USP40: variants seen among roughly 807,000 people sequenced by gnomAD.
USP40 encodes ubiquitin carboxyl-terminal hydrolase 40.
USP40 carries 143 observed loss-of-function variants against 166.2 expected under a neutral mutation model. That is an observed-to-expected ratio of 0.86 (90% CI 0.75 to 0.99). USP40 has a LOEUF of 0.99. USP40 is among the 50% of genes least tolerant of loss of function. The pLI, the probability that USP40 is intolerant of heterozygous loss-of-function variation, is 0.00. For missense variants in USP40, 1,444 were observed against 1,479.7 expected, an observed-to-expected ratio of 0.98 and a Z score of 0.40; for synonymous variants, 498 against 524.0, an observed-to-expected ratio of 0.95 and a Z score of 0.68.
At chr2:233,496,939 A>G (rs2065782684) in intron 23 of USP40, 107 bp from the exon 24 acceptor site, 5 of 741,264 alleles carry the variant, frequency 6.7e-6, no homozygotes, top group Non-Finnish European at 1.1e-5. Flanking sequence ...AATTAAATGA[A>G]TAATAAAGCA....
chr2:233,489,793 C>A, intron 26 of USP40: 1 of 249,856 alleles, frequency 4.0e-6, no homozygotes, highest in Non-Finnish European at 7.7e-6. Context: ...AATTAACTTC[C>A]ATGGGAGTAG....
At chr2:233,565,681 T>C in intron 1 of USP40, 108 bp from the exon 2 acceptor site, 2 of 973,144 alleles carry the variant, frequency 2.1e-6, no homozygotes, top group Non-Finnish European at 3.0e-6. Context: ...AACACAGGAC[T>C]ACTGTTTCTA....
At chr2:233,548,150 A>C (rs1199291180) in intron 8 of USP40, among the ~76,000 whole-genome samples, 1 of 152,124 alleles carries the variant, frequency 6.6e-6, no homozygotes, top group Non-Finnish European at 1.5e-5. Flanking sequence ...GAAATAGGTA[A>C]TTTTTTCAAG....
chr2:233,550,214 A>C (rs970570631), intron 7 of USP40, among the ~76,000 whole-genome samples: 3 of 152,132 alleles, frequency 2.0e-5, no homozygotes, highest in Admixed American at 2.0e-4. Flanking sequence ...TGTCTAGTAC[A>C]GGCAAAAGAC....
intron 5 of USP40, chr2:233,556,488 T>C (rs143800223): frequency 0.013 from 1,949 of 154,590 alleles, 37 homozygotes; most frequent in East Asian, 0.083. Flanking sequence ...AAACACTCCT[T>C]GGTCCTCAGT....
chr2:233,493,422 C>T lies in USP40; in HGVS notation c.2917+3G>A, dbSNP rs957788831. 3.1e-6 allele frequency: 5 copies of T among 1,613,838 alleles called. No homozygotes were observed. The highest frequency in any genetic ancestry group is 4.2e-6 in the Non-Finnish European group (5 of 1,179,886). On this transcript the variant is annotated splice_donor_region_variant and intron_variant, in intron 25 of 31. Transcript: ENST00000678225. The surrounding 1 kb of genome is among the most constrained non-coding windows in gnomAD (Gnocchi z 4.7). ...GGCTGCTGAAATCCCATTCTGTTCT[C>T]ACCTTGGCTGGAAGTGGCTCTCCAA...
intron 11 of USP40, among the ~76,000 whole-genome samples, chr2:233,532,349 A>G (rs1189304119): frequency 6.6e-6 from 1 of 152,188 alleles, no homozygotes; most frequent in African/African-American, 2.4e-5. Flanking sequence ...ATGTTTGCAC[A>G]TGATAGTGAC....
At chr2:233,565,706 GT>G in intron 1 of USP40, 133 bp from the exon 2 acceptor site, 3 of 769,372 alleles carry the variant, frequency 3.9e-6, no homozygotes, top group Non-Finnish European at 6.0e-6. Context: ...CAGTAGTTGG[GT>G]TTTGGAGGCA....
chr2:233,493,151 G>C lies in USP40; in HGVS notation c.2917+274C>G, dbSNP rs1406631182. On this transcript the variant is annotated intron_variant, in intron 25 of 31. Transcript: ENST00000678225. The surrounding 1 kb of genome is among the most constrained non-coding windows in gnomAD (Gnocchi z 4.7). The stretch of plus-strand genomic sequence containing the variant: ...GCCCCTGTTGCCCTGAGGATCTTGA[G>C]AGATGATACATAAAAGTCTTTGGAA... 8.1e-6 allele frequency: 4 copies of C among 494,418 alleles called. No homozygotes were observed. Among genetic ancestry groups the C allele is most frequent in the Middle Eastern group, 5.3e-4 (1 of 1,894 alleles). 30.6% of individuals were successfully genotyped at this position (494,418 alleles called of 1,614,324 possible).
chr2:233,558,286 A>T (rs1305107842), intron 4 of USP40, among the ~76,000 whole-genome samples: 1 of 151,936 alleles, frequency 6.6e-6, no homozygotes, highest in Non-Finnish European at 1.5e-5. Flanking sequence ...AACAAAAAAA[A>T]TTTTCACAGC....
chr2:233,515,984 T>C (rs2602388), intron 18 of USP40, among the ~76,000 whole-genome samples: 4,339 of 152,314 alleles, frequency 0.028, 96 homozygotes, highest in Middle Eastern at 0.051. Flanking sequence ...TGAAAGTCAA[T>C]GACTACGCAC....
At chr2:233,536,492 A>T (rs1313065499) in intron 10 of USP40, among the ~76,000 whole-genome samples, 1 of 152,218 alleles carries the variant, frequency 6.6e-6, no homozygotes, top group Non-Finnish European at 1.5e-5. Context: ...CTACAAAAAA[A>T]TACAAAGAAT....
intron 23 of USP40, among the ~76,000 whole-genome samples, 152 bp downstream of exon 23, chr2:233,498,396 A>T (rs1274350840): frequency 6.6e-6 from 1 of 152,218 alleles, no homozygotes; most frequent in Non-Finnish European, 1.5e-5. Context: ...TCAAAAAACT[A>T]TAGTAAGAAA....
chr2:233,528,928 T>C (rs2068269743), intron 12 of USP40, among the ~76,000 whole-genome samples: 1 of 152,232 alleles, frequency 6.6e-6, no homozygotes, highest in Admixed American at 6.5e-5. Flanking sequence ...AAACCATCTC[T>C]TTAAGTAAGA....
intron 15 of USP40, among the ~76,000 whole-genome samples, chr2:233,524,208 C>A (rs2067855777): frequency 1.3e-5 from 2 of 152,152 alleles, no homozygotes. Flanking sequence ...CAGCTCACAG[C>A]AACCTCCACT....
intron 21 of USP40, among the ~76,000 whole-genome samples, chr2:233,504,193 T>G (rs2066259033): frequency 6.6e-6 from 1 of 151,922 alleles, no homozygotes; most frequent in Non-Finnish European, 1.5e-5. Flanking sequence ...CTTAGCACCA[T>G]AGACAACCAT....
rs1330175651 is a variant in USP40 at position 233,554,422 on chromosome 2, C to T, written c.651G>A (p.Leu217=). 2 of 1,613,144 alleles carry T rather than the reference C, an allele frequency of 1.2e-6. No homozygotes were observed. The highest frequency in any genetic ancestry group is 1.7e-6 in the Non-Finnish European group (2 of 1,179,604). Residue 217 remains leucine (L), a synonymous_variant, in exon 6 of 32, where the codon TTG becomes TTA. Transcript: ENST00000678225. The part of the protein sequence containing the change: ...VEEEVFDCDN[L]YHCGTCDRLV... ...GCCTGTCACAAGTTCCACAGTGGTA[C>T]AAGTTGTCACAATCAAAAACTTCCT...
chr2:233,493,419 T>C lies in USP40; in HGVS notation c.2917+6A>G. On this transcript the variant is annotated splice_donor_region_variant and intron_variant, in intron 25 of 31. Transcript: ENST00000678225. This position sits in a 1 kb window ranked among gnomAD's most constrained non-coding sequence, Gnocchi z 4.7. Reference sequence around the variant, plus strand: ...ACTGGCTGCTGAAATCCCATTCTGTTCTCACCTTGGCTGGAAGTGGCTCTC... The same window carrying C: ...ACTGGCTGCTGAAATCCCATTCTGTCCTCACCTTGGCTGGAAGTGGCTCTC... 2.5e-6 allele frequency: 4 copies of C among 1,613,980 alleles called. No homozygotes were observed. The highest frequency in any genetic ancestry group is 3.4e-6 in the Non-Finnish European group (4 of 1,179,880).
chr2:233,512,616 T>C lies in USP40; in HGVS notation c.2390A>G (p.Asn797Ser). The C allele has an allele frequency of 6.9e-7, 1 of 1,458,810 alleles. No individual in the cohort carries two copies. Among genetic ancestry groups the C allele is most frequent in the African/African-American group, 1.8e-5 (1 of 56,264 alleles). 90.4% of individuals were successfully genotyped at this position (1,458,810 alleles called of 1,614,324 possible). The change falls in exon 19 of 32, where the codon AAC becomes AGC. Residue 797 changes from asparagine to serine, a missense_variant. Transcript: ENST00000678225. ...TCTATCAATAGGTCTCAAACAGCTG[T>C]TGTCAGCTATATATAAAAGGAATAT... ...ELKLMKELAD[N>S]SCLRPIDRNG...
Sources: gnomAD v4.1 joint callset for allele counts (sites outside exome capture counted in the v4.1 genomes callset) on GRCh38, gnomAD v4.1.1 for gene constraint, Gnocchi (gnomAD v3.1) non-coding constraint, MANE v1.5 for transcripts, NCBI Gene and HGNC (gene_info 2026-07-23, HGNC 2026-07-21) for gene names.